The following CSGALNACT1 variants were observed in gnomAD, a reference collection of about 807,000 sequenced individuals.
CSGALNACT1 encodes the protein chondroitin sulfate N-acetylgalactosaminyltransferase 1.
Under a neutral mutation model 51.0 loss-of-function variants are expected in CSGALNACT1, and 52 were observed. That is an observed-to-expected ratio of 1.02 (90% CI 0.82 to 1.29). The LOEUF is 1.29. CSGALNACT1 is among the 50% of genes most tolerant of loss of function. The pLI, the probability that CSGALNACT1 is intolerant of heterozygous loss-of-function variation, is 0.00. For synonymous variants in CSGALNACT1, 341 were observed against 254.4 expected, an observed-to-expected ratio of 1.34 and a Z score of -3.24; for missense variants, 935 against 679.2, an observed-to-expected ratio of 1.38 and a Z score of -4.19.
At chr8:19,582,563 C>T (rs1366301065) in intron 3 of CSGALNACT1, among the ~76,000 whole-genome samples, 1 of 152,146 alleles carries the variant, frequency 6.6e-6, no homozygotes, top group Non-Finnish European at 1.5e-5. Context: ...TCAATCCACC[C>T]TGTCAAAGAG....
chr8:19,643,085 A>G (rs1051061765), intron 1 of CSGALNACT1, among the ~76,000 whole-genome samples: 2 of 152,136 alleles, frequency 1.3e-5, no homozygotes, highest in African/African-American at 4.8e-5. Context: ...TTAAAAATTA[A>G]AATTAATAAA....
intron 1 of CSGALNACT1, among the ~76,000 whole-genome samples, chr8:19,698,780 T>C (rs2061710217): frequency 6.6e-6 from 1 of 151,416 alleles, no homozygotes; most frequent in Admixed American, 6.6e-5. Context: ...CAAAAAAAAA[T>C]CATTGATTTA....
chr8:19,521,076 G>C (rs1307885489), intron 3 of CSGALNACT1, among the ~76,000 whole-genome samples: 1 of 152,128 alleles, frequency 6.6e-6, no homozygotes, highest in East Asian at 1.9e-4. Flanking sequence ...TGTGCGGGGA[G>C]ACATCATAGC....
At chr8:19,423,250 T>C (rs1279626960) in intron 6 of CSGALNACT1, among the ~76,000 whole-genome samples, 2 of 152,198 alleles carry the variant, frequency 1.3e-5, no homozygotes, top group Non-Finnish European at 2.9e-5. Flanking sequence ...TACAGTCCAT[T>C]TGTATAGATA....
chr8:19,699,202 C>T (rs942112967), intron 1 of CSGALNACT1, among the ~76,000 whole-genome samples: 7 of 152,064 alleles, frequency 4.6e-5, no homozygotes, highest in Admixed American at 4.6e-4. Context: ...TTTAATGACT[C>T]ATTGCTATTT....
chr8:19,735,082 A>G (rs2063898043), intron 1 of CSGALNACT1, among the ~76,000 whole-genome samples: 1 of 152,122 alleles, frequency 6.6e-6, no homozygotes, highest in Non-Finnish European at 1.5e-5. Flanking sequence ...GCCAGAAGAG[A>G]TCCCATGCAC....
intron 5 of CSGALNACT1, among the ~76,000 whole-genome samples, chr8:19,440,760 A>G (rs1353834535): frequency 6.6e-6 from 1 of 151,908 alleles, no homozygotes; most frequent in East Asian, 1.9e-4. Context: ...TTCAATTAGG[A>G]AAAGAGGAAG....
intron 1 of CSGALNACT1, among the ~76,000 whole-genome samples, chr8:19,663,916 C>A (rs2058972078): frequency 6.6e-6 from 1 of 152,204 alleles, no homozygotes; most frequent in African/African-American, 2.4e-5. Flanking sequence ...CAGACCCTGG[C>A]AGTTTTAAAA....
chr8:19,628,175 A>C (rs141191338), intron 1 of CSGALNACT1, among the ~76,000 whole-genome samples: 97 of 152,342 alleles, frequency 6.4e-4, no homozygotes, highest in African/African-American at 2.0e-3. Context: ...ACTGCTATAA[A>C]GATACTACCC....
chr8:19,756,629 C>A (rs1490547303), intron 1 of CSGALNACT1, among the ~76,000 whole-genome samples: 1 of 151,822 alleles, frequency 6.6e-6, no homozygotes, highest in Non-Finnish European at 1.5e-5. Context: ...ACCGATCGCA[C>A]GTCCCCTGGG....
intron 1 of CSGALNACT1, among the ~76,000 whole-genome samples, chr8:19,632,579 C>T (rs919330174): frequency 2.0e-5 from 3 of 152,296 alleles, no homozygotes; most frequent in East Asian, 1.9e-4. Flanking sequence ...GTTCTTAACC[C>T]GCAGCTATCT....
chr8:19,743,712 A>C (rs372013766), intron 1 of CSGALNACT1, among the ~76,000 whole-genome samples: 2 of 152,220 alleles, frequency 1.3e-5, no homozygotes, highest in African/African-American at 4.8e-5. Context: ...ATTGTAATTT[A>C]TATTTTTATG....
chr8:19,504,712 CT>C (rs1355605667), intron 4 of CSGALNACT1, among the ~76,000 whole-genome samples: 1 of 152,168 alleles, frequency 6.6e-6, no homozygotes, highest in Non-Finnish European at 1.5e-5. Context: ...CACTTGTTAG[CT>C]GAGCAACTTT....
intron 6 of CSGALNACT1, among the ~76,000 whole-genome samples, chr8:19,421,016 T>C (rs182560617): frequency 5.3e-5 from 8 of 152,336 alleles, no homozygotes; most frequent in Admixed American, 2.6e-4. Flanking sequence ...TAAACCCAGA[T>C]TCCTTCCGCA....
At chr8:19,478,413 C>CA (rs55767885) in intron 4 of CSGALNACT1, among the ~76,000 whole-genome samples, 750 of 70,542 alleles carry the variant, frequency 0.011, 9 homozygotes, top group African/African-American at 0.025. Flanking sequence ...GACTCCGTCT[C>CA]AAAAAAAAAA....
intron 1 of CSGALNACT1, among the ~76,000 whole-genome samples, chr8:19,615,890 A>G (rs1170926059): frequency 6.6e-6 from 1 of 152,250 alleles, no homozygotes; most frequent in African/African-American, 2.4e-5. Flanking sequence ...CTCATTAATA[A>G]AAATTTCATT....
chr8:19,433,535 A>G (rs1224525476), intron 6 of CSGALNACT1, among the ~76,000 whole-genome samples: 1 of 152,192 alleles, frequency 6.6e-6, no homozygotes, highest in East Asian at 1.9e-4. Context: ...AAAGTTAAAC[A>G]CTTCCTATAA....
At chr8:19,727,418 G>A (rs1184215819) in intron 1 of CSGALNACT1, among the ~76,000 whole-genome samples, 3 of 152,074 alleles carry the variant, frequency 2.0e-5, no homozygotes, top group Non-Finnish European at 4.4e-5. Flanking sequence ...TATGATCACG[G>A]CTTTCACTGC....
intron 1 of CSGALNACT1, among the ~76,000 whole-genome samples, chr8:19,659,579 A>G (rs190814732): frequency 1.9e-4 from 29 of 152,340 alleles, no homozygotes; most frequent in Admixed American, 5.2e-4. Flanking sequence ...TTTGAATTGA[A>G]TCTGCCTGGA....
Sources: allele counts gnomAD v4.1 joint callset (sites outside exome capture counted in the v4.1 genomes callset), GRCh38; gene constraint gnomAD v4.1.1; transcripts MANE v1.5; gene names NCBI Gene and HGNC (gene_info 2026-07-23, HGNC 2026-07-21).